The following STK39 variants were observed in gnomAD, a reference collection of about 807,000 sequenced individuals.
The protein encoded by STK39 is STE20/SPS1-related proline-alanine-rich protein kinase.
Under a neutral mutation model 77.8 loss-of-function variants are expected in STK39, and 20 were observed. The ratio of observed to expected loss-of-function variants is 0.26; its 90% CI spans 0.18 to 0.37. STK39 has a LOEUF of 0.37. Ranked by LOEUF, STK39 falls within the 10% of genes least tolerant of loss-of-function variation. The pLI is 1.00. For missense variants in STK39, 479 were observed against 656.5 expected, an observed-to-expected ratio of 0.73 and a Z score of 2.95; for synonymous variants, 246 against 234.1, an observed-to-expected ratio of 1.05 and a Z score of -0.47.
intron 10 of STK39, among the ~76,000 whole-genome samples, chr2:168,098,562 T>C (rs1686735909): frequency 6.6e-6 from 1 of 152,156 alleles, no homozygotes; most frequent in Non-Finnish European, 1.5e-5. Flanking sequence ...CAGGGGCTGC[T>C]TGTCCTGCCT....
intron 14 of STK39, among the ~76,000 whole-genome samples, chr2:168,022,794 T>C (rs1465230639): frequency 6.6e-6 from 1 of 152,116 alleles, no homozygotes; most frequent in Non-Finnish European, 1.5e-5. Flanking sequence ...AAATAAATGA[T>C]ACACAGACCC....
Position 168,065,351 on chromosome 2 carries a change from G to C in STK39, c.1273C>G (p.Gln425Glu). ...IAVSASTIPE[Q>E]IQSLSVHDSQ... Reference sequence around the variant, plus strand: ...TCGTGCACAGAGAGGGACTGTATTTGTTCGGGGATGGTGCTGGCACTCACT... The same window carrying C: ...TCGTGCACAGAGAGGGACTGTATTTCTTCGGGGATGGTGCTGGCACTCACT... The change falls in exon 13 of 18, where the codon CAA becomes GAA. Residue 425 changes from glutamine to glutamate, a missense_variant. Coordinates refer to ENST00000355999, the MANE Select transcript of STK39 (RefSeq NM_013233.3). 6.2e-7 allele frequency: 1 copy of C among 1,614,100 alleles called. No homozygotes were observed. The highest frequency in any genetic ancestry group is 1.1e-5 in the South Asian group (1 of 91,076).
At chr2:168,024,050 G>A (rs1684637904) in intron 14 of STK39, among the ~76,000 whole-genome samples, 1 of 152,144 alleles carries the variant, frequency 6.6e-6, no homozygotes, top group Non-Finnish European at 1.5e-5. Flanking sequence ...GAGTAGGAAG[G>A]GGGCCTTTTA....
At chr2:168,048,348 G>C (rs2105362580) in intron 14 of STK39, among the ~76,000 whole-genome samples, 1 of 152,064 alleles carries the variant, frequency 6.6e-6, no homozygotes, top group East Asian at 1.9e-4. Flanking sequence ...GAGTAGCTGG[G>C]ACTACAGGCA....
intron 10 of STK39, among the ~76,000 whole-genome samples, chr2:168,111,196 C>T (rs555604697): frequency 5.3e-5 from 8 of 152,172 alleles, no homozygotes; most frequent in African/African-American, 1.9e-4. Flanking sequence ...AATTTATTTG[C>T]AATATCCTTT....
intron 10 of STK39, among the ~76,000 whole-genome samples, chr2:168,118,197 C>G (rs1687307526): frequency 6.6e-6 from 1 of 151,956 alleles, no homozygotes; most frequent in Non-Finnish European, 1.5e-5. Context: ...AAGTAACACG[C>G]CACTTCAGTT....
intron 1 of STK39, among the ~76,000 whole-genome samples, chr2:168,238,233 C>T (rs1370537529): frequency 6.6e-6 from 1 of 152,224 alleles, no homozygotes; most frequent in African/African-American, 2.4e-5. Flanking sequence ...CCAAAATACT[C>T]CCTGAATGAA....
chr2:167,980,074 T>C (rs934910571), intron 16 of STK39, among the ~76,000 whole-genome samples: 3 of 152,186 alleles, frequency 2.0e-5, no homozygotes, highest in African/African-American at 7.2e-5. Context: ...ACAACCACTG[T>C]TGAGGGGAAG....
At chr2:168,004,346 C>A (rs1316959204) in intron 16 of STK39, among the ~76,000 whole-genome samples, 8 of 152,006 alleles carry the variant, frequency 5.3e-5, no homozygotes, top group Non-Finnish European at 8.8e-5. Context: ...TCAAGTAAGG[C>A]AGAAAAGCAA....
intron 10 of STK39, among the ~76,000 whole-genome samples, chr2:168,105,693 G>A (rs1225333332): frequency 6.6e-6 from 1 of 152,220 alleles, no homozygotes; most frequent in East Asian, 1.9e-4. Context: ...TAGAAGGATT[G>A]CATGCACATT....
chr2:168,220,473 A>G (rs938843639), intron 1 of STK39, among the ~76,000 whole-genome samples: 3 of 152,168 alleles, frequency 2.0e-5, no homozygotes, highest in South Asian at 2.1e-4. Flanking sequence ...CATTGGCTTG[A>G]TATCAATCTT....
intron 10 of STK39, among the ~76,000 whole-genome samples, chr2:168,120,984 AG>A (rs59123032): frequency 0.37 from 56,657 of 152,014 alleles, 11,406 homozygotes; most frequent in South Asian, 0.47. Flanking sequence ...AGCATCTCCT[AG>A]TGCCTGTGAA....
intron 14 of STK39, among the ~76,000 whole-genome samples, chr2:168,033,610 CTT>C (rs879257237): frequency 6.6e-6 from 1 of 152,170 alleles, no homozygotes; most frequent in Non-Finnish European, 1.5e-5. Context: ...GTACAATACA[CTT>C]ATTTTATTTG....
chr2:168,212,292 C>T (rs928443358), intron 1 of STK39, among the ~76,000 whole-genome samples: 2 of 152,206 alleles, frequency 1.3e-5, no homozygotes, highest in African/African-American at 4.8e-5. Flanking sequence ...CTGAAACTTA[C>T]TGTTCTTGAG....
chr2:168,138,214 A>AG lies in STK39; in HGVS notation c.847_848insC (p.Met283ThrfsTer7). ...GGGTGGATCATTTTGCAAAGTCAACATTAACACCTGCAGCAGAAACAAACA... is the reference window on the plus strand; with the variant it reads ...GGGTGGATCATTTTGCAAAGTCAACAGTTAACACCTGCAGCAGAAACAAACA... On this transcript the variant is annotated frameshift_variant, in exon 8 of 18. Coordinates refer to ENST00000355999, the MANE Select transcript of STK39 (RefSeq NM_013233.3). LOFTEE classifies it high-confidence loss of function. 6.2e-7 allele frequency: 1 copy of AG among 1,611,812 alleles called. No homozygotes were observed. The highest frequency in any genetic ancestry group is 8.5e-7 in the Non-Finnish European group (1 of 1,178,760).
chr2:168,180,126 C>A (rs530131203), intron 2 of STK39, among the ~76,000 whole-genome samples: 5 of 152,186 alleles, frequency 3.3e-5, no homozygotes, highest in African/African-American at 1.2e-4. Context: ...GCGGACAGAT[C>A]ACCTGAGGTC....
chr2:168,033,736 C>G (rs1398128353), intron 14 of STK39, among the ~76,000 whole-genome samples: 1 of 152,082 alleles, frequency 6.6e-6, no homozygotes, highest in African/African-American at 2.4e-5. Flanking sequence ...TTGCTTAGGC[C>G]GACTCAGCCT....
intron 14 of STK39, 89 bp from the exon 15 acceptor site, chr2:168,017,184 A>AAAATGTTATCC: frequency 1.2e-6 from 1 of 816,444 alleles, no homozygotes; most frequent in Non-Finnish European, 1.9e-6. Flanking sequence ...AGATGCTACT[A>AAAATGTTATCC]ACATGTGGAT....
intron 1 of STK39, among the ~76,000 whole-genome samples, chr2:168,241,913 C>T (rs1040151059): frequency 6.6e-6 from 1 of 152,284 alleles, no homozygotes; most frequent in Non-Finnish European, 1.5e-5. Context: ...TGCTCAAGGT[C>T]GCAGCGTCAG....
Sources: allele counts gnomAD v4.1 joint callset (sites outside exome capture counted in the v4.1 genomes callset), GRCh38; gene constraint gnomAD v4.1.1; transcripts MANE v1.5; gene names NCBI Gene and HGNC (gene_info 2026-07-23, HGNC 2026-07-21).